The following TET1 variants were observed in gnomAD, a reference collection of about 807,000 sequenced individuals.
TET1 encodes the protein tet methylcytosine dioxygenase 1, also known as methylcytosine dioxygenase TET1.
TET1 carries 13 observed loss-of-function variants against 148.7 expected under a neutral mutation model. The ratio of observed to expected loss-of-function variants is 0.09; its 90% CI spans 0.06 to 0.14. The LOEUF (loss-of-function observed/expected upper bound fraction) is 0.14, where lower values mean the gene tolerates loss of function less well. Among genes scored for constraint, TET1 ranks in the 10% least tolerant of loss-of-function variants. The probability of loss-of-function intolerance (pLI) is 1.00; values close to 1 mark genes in which losing one functional copy is unlikely to be tolerated. For synonymous variants in TET1, 907 were observed against 937.2 expected, an observed-to-expected ratio of 0.97 and a Z score of 0.59; for missense variants, 2,182 against 2,553.8, an observed-to-expected ratio of 0.85 and a Z score of 3.14.
intron 2 of TET1, among the ~76,000 whole-genome samples, chr10:68,584,866 T>C (rs7917885): frequency 6.6e-6 from 1 of 150,774 alleles, no homozygotes; most frequent in African/African-American, 2.4e-5. Context: ...TGTTGCCCAG[T>C]CTGGAGTGCA....
intron 3 of TET1, among the ~76,000 whole-genome samples, chr10:68,604,233 T>TAC (rs1171582367): frequency 1.3e-5 from 2 of 152,298 alleles, no homozygotes; most frequent in Admixed American, 1.3e-4. Context: ...TAGGAGTGTA[T>TAC]ACTCCCTTTA....
intron 3 of TET1, among the ~76,000 whole-genome samples, chr10:68,641,440 G>C (rs1219117713): frequency 3.3e-5 from 5 of 151,772 alleles, no homozygotes; most frequent in Non-Finnish European, 5.9e-5. Context: ...AGGCAACCTA[G>C]TCTAGTGGTC....
chr10:68,664,406 T>G (rs948701554), intron 6 of TET1, among the ~76,000 whole-genome samples: 3 of 141,750 alleles, frequency 2.1e-5, no homozygotes, highest in Non-Finnish European at 1.5e-5. Flanking sequence ...GCCTTCTTTA[T>G]TTTTTTATTT....
rs1280397461 is a variant in TET1, at chr10:68,595,939, TATATATATATATATATATATATACACAC to T, written c.1915-5040_1915-5013del. 5.0e-4 allele frequency among the ~76,000 whole-genome samples: 18 copies of T among 36,324 alleles called. No homozygotes were observed. The South Asian group carries it at 0.012, about 23-fold the overall frequency. The allele number at this position is 36,324 out of a possible 152,430, so 23.8% of individuals were successfully genotyped here. Reference sequence around the variant, plus strand: ...CAAAACATATATATATATATATATATATATATATATATATATATATATACACACACACACACACATATATACACACACA... The same window carrying T: ...CAAAACATATATATATATATATATATACACACACACATATATACACACACA... On this transcript the variant is annotated intron_variant, in intron 2 of 11. Transcript: ENST00000373644.
At chr10:68,598,585 T>C (rs896798785) in intron 2 of TET1, among the ~76,000 whole-genome samples, 1 of 152,202 alleles carries the variant, frequency 6.6e-6, no homozygotes, top group East Asian at 1.9e-4. Context: ...GGGCTTAGTG[T>C]GCTCAAAGTT....
At chr10:68,602,896 G>A (rs2054076283) in intron 3 of TET1, among the ~76,000 whole-genome samples, 1 of 152,088 alleles carries the variant, frequency 6.6e-6, no homozygotes, top group Non-Finnish European at 1.5e-5. Context: ...TCCAAAGAAA[G>A]CTTTGTTTCT....
In TET1 at chr10:68,572,941, C is replaced by G; in HGVS notation, c.603C>G (p.Ile201Met). Residue 201 changes from isoleucine (I) to methionine (M), a missense_variant, in exon 2 of 12, where the codon ATC (isoleucine) becomes ATG (methionine). Ile to Met is a conservative substitution (Grantham distance 10). This residue lies in a region of TET1 where 665 missense variants were observed against 672.4 expected (regional missense o/e 0.99). Coordinates refer to ENST00000373644, the MANE Select transcript of TET1 (RefSeq NM_030625.3). ...FWSQRVEDSK[I>M]NIPTHSGPAA... Reference sequence around the variant, plus strand: ...CCCAAAGAGTTGAGGATTCCAAGATCAATATCCCTACCCACAGTGGCCCTG... The same window carrying G: ...CCCAAAGAGTTGAGGATTCCAAGATGAATATCCCTACCCACAGTGGCCCTG... 1.2e-6 allele frequency: 2 copies of G among 1,614,096 alleles called. No individual in the cohort carries two copies. Among genetic ancestry groups the G allele is most frequent in the South Asian group, 2.2e-5 (2 of 91,068 alleles).
At chr10:68,605,660 G>A (rs566416330) in intron 3 of TET1, among the ~76,000 whole-genome samples, 18 of 152,074 alleles carry the variant, frequency 1.2e-4, no homozygotes, top group Non-Finnish European at 2.5e-4. Flanking sequence ...TTACACACAT[G>A]TGCCACCACG....
At position 68,615,470 on chromosome 10, in the gene TET1, T is replaced by C. The variant is rs549954416; in HGVS notation, c.1968+14436T>C. Among the ~76,000 whole-genome samples the C allele has an allele frequency of 9.9e-5, 15 of 151,200 alleles. No individual in the cohort carries two copies. In the South Asian group the frequency reaches 3.2e-3, roughly 32 times the overall value. On this transcript the variant is annotated intron_variant, in intron 3 of 11. Transcript: ENST00000373644. ...AAGCGATTCTCCTGCCTCAGCTTCC[T>C]GAGTAGCTGGGACTGCAGGCACCCA...
chr10:68,569,106 C>A (rs1449894496), intron 1 of TET1, among the ~76,000 whole-genome samples: 1 of 149,036 alleles, frequency 6.7e-6, no homozygotes, highest in Non-Finnish European at 1.5e-5. Flanking sequence ...AGCTCAAAAT[C>A]TGTGGATTGT....
At position 68,596,027 on chromosome 10, in the gene TET1, C is replaced by CACACATATAT. The variant is rs71470531; in HGVS notation, c.1915-4953_1915-4952insCACATATATA. 8.0e-3 allele frequency among the ~76,000 whole-genome samples: 494 copies of CACACATATAT among 61,600 alleles called. 6 individuals carry two copies. Among genetic ancestry groups the CACACATATAT allele is most frequent in the Middle Eastern group, 0.033 (3 of 92 alleles). 40.4% of individuals were successfully genotyped at this position (61,600 alleles called of 152,430 possible). On this transcript the variant is annotated intron_variant, in intron 2 of 11. Coordinates refer to ENST00000373644, the MANE Select transcript of TET1 (RefSeq NM_030625.3). ...ACACACACACACACACACACACACACATATATATATATATATACACATTTT... is the reference window on the plus strand; with the variant it reads ...ACACACACACACACACACACACACACACACATATATATATATATATATATATACACATTTT...
At chr10:68,587,645 T>C (rs1170071851) in intron 2 of TET1, among the ~76,000 whole-genome samples, 2 of 152,196 alleles carry the variant, frequency 1.3e-5, no homozygotes, top group Non-Finnish European at 2.9e-5. Context: ...CATTACTTCA[T>C]TACTAATTAG....
At chr10:68,625,905 G>C (rs905129547) in intron 3 of TET1, among the ~76,000 whole-genome samples, 1 of 151,762 alleles carries the variant, frequency 6.6e-6, no homozygotes, top group Non-Finnish European at 1.5e-5. Context: ...TGGGAAACAT[G>C]AAGAGACCCA....
At chr10:68,597,706 C>T (rs1022629652) in intron 2 of TET1, among the ~76,000 whole-genome samples, 15 of 152,050 alleles carry the variant, frequency 9.9e-5, no homozygotes, top group African/African-American at 3.6e-4. Context: ...TGTCTAACAA[C>T]AGAATAAGGG....
chr10:68,606,220 C>T (rs952732900), intron 3 of TET1, among the ~76,000 whole-genome samples: 1 of 151,304 alleles, frequency 6.6e-6, no homozygotes, highest in Non-Finnish European at 1.5e-5. Context: ...TACAAATATT[C>T]GCCAGGTGTG....
At chr10:68,671,574 A>G (rs1487970876) in intron 7 of TET1, among the ~76,000 whole-genome samples, 1 of 152,008 alleles carries the variant, frequency 6.6e-6, no homozygotes, top group African/African-American at 2.4e-5. Context: ...CAGTAATGGG[A>G]TTGGAAGAGC....
At position 68,673,002 on chromosome 10, in the gene TET1, C is replaced by T; in HGVS notation, c.4781C>T (p.Pro1594Leu). Residue 1594 changes from proline to leucine, a missense_variant, in exon 8 of 12, where the codon CCA becomes CTA. By Grantham distance (98) the Pro-to-Leu change is moderately conservative. Coordinates refer to ENST00000373644, the MANE Select transcript of TET1 (RefSeq NM_030625.3). ...AATGGCTGTAAGTTTGGTAGAAGCCCAAGCCCCAGAAGATTTAGAATTGAT... is the reference window on the plus strand; with the variant it reads ...AATGGCTGTAAGTTTGGTAGAAGCCTAAGCCCCAGAAGATTTAGAATTGAT... ...YFNGCKFGRS[P>L]SPRRFRIDPS... 6.2e-7 allele frequency: 1 copy of T among 1,612,138 alleles called. No homozygotes were observed. Among genetic ancestry groups the T allele is most frequent in the Non-Finnish European group, 8.5e-7 (1 of 1,178,652 alleles).
At chr10:68,579,073 G>A (rs571821694) in intron 2 of TET1, among the ~76,000 whole-genome samples, 2 of 152,068 alleles carry the variant, frequency 1.3e-5, no homozygotes, top group Non-Finnish European at 2.9e-5. Flanking sequence ...ATCAAGTCAC[G>A]TCACACATGT....
intron 11 of TET1, among the ~76,000 whole-genome samples, chr10:68,687,201 C>A (rs1379327670): frequency 4.7e-5 from 7 of 150,074 alleles, no homozygotes; most frequent in Non-Finnish European, 1.0e-4. Flanking sequence ...CCGCGCCCGG[C>A]CTACTTATCC....
Sources: allele counts gnomAD v4.1 joint callset (sites outside exome capture counted in the v4.1 genomes callset), GRCh38; gene constraint gnomAD v4.1.1; regional missense constraint gnomAD v4.1.1; transcripts MANE v1.5; gene names NCBI Gene and HGNC (gene_info 2026-07-23, HGNC 2026-07-21).